Variants in MACROD1 observed in about 807,000 individuals in gnomAD.
The protein encoded by MACROD1 is ADP-ribose glycohydrolase MACROD1.
A neutral mutation model predicts 41.4 loss-of-function variants in MACROD1; 31 were observed. The observed-to-expected ratio is 0.75, with a 90% CI of 0.56 to 1.01. MACROD1 has a LOEUF of 1.01. Ranked by LOEUF, MACROD1 falls within the 50% of genes least tolerant of loss-of-function variation. MACROD1 has a pLI of 0.00. For missense variants in MACROD1, 473 were observed against 460.0 expected (o/e 1.03, Z -0.26); for synonymous variants, 252 against 203.4 (o/e 1.24, Z -2.03).
chr11:64,151,239 C>T lies in MACROD1; in HGVS notation c.517G>A (p.Ala173Thr), dbSNP rs139146238. 13 of 1,611,984 alleles carry T rather than the reference C, an allele frequency of 8.1e-6. No homozygotes were observed. Among genetic ancestry groups the T allele is most frequent in the South Asian group, 1.1e-5 (1 of 91,068 alleles). ...KLEVDAIVNA[A>T]NSSLLGGGGV... is the part of the protein sequence containing the mutation. ...TCTCTGGTTCAGGCCAGCCACTCAC[C>T]GGCGTTGACGATGGCGTCCACCTCC... The change falls in exon 3 of 11, where the codon GCC becomes ACC. Residue 173 changes from alanine (A) to threonine (T), a missense_variant and splice_region_variant. Coordinates refer to ENST00000255681, the MANE Select transcript of MACROD1 (RefSeq NM_014067.4).
intron 3 of MACROD1, among the ~76,000 whole-genome samples, chr11:64,087,780 G>A (rs370344335): frequency 3.3e-5 from 5 of 152,338 alleles, no homozygotes; most frequent in East Asian, 1.9e-4. Flanking sequence ...CTGAATGACC[G>A]GAGGCTGGAC....
intron 3 of MACROD1, among the ~76,000 whole-genome samples, chr11:64,097,593 C>T (rs1002976461): frequency 1.3e-5 from 2 of 152,246 alleles, no homozygotes; most frequent in Non-Finnish European, 2.9e-5. Flanking sequence ...TCGCAAATAC[C>T]CTGAAAGTCT....
chr11:64,078,797 C>G (rs1466777776), intron 3 of MACROD1, among the ~76,000 whole-genome samples: 5 of 151,214 alleles, frequency 3.3e-5, no homozygotes, highest in Admixed American at 2.6e-4. Flanking sequence ...GGGGGGAGGC[C>G]TCTCTGAGCA....
intron 3 of MACROD1, among the ~76,000 whole-genome samples, chr11:64,142,586 G>A (rs1237362444): frequency 1.3e-5 from 2 of 152,210 alleles, no homozygotes; most frequent in African/African-American, 2.4e-5. Flanking sequence ...GAGCCCACAA[G>A]GGCATCTCAA....
chr11:64,165,917 G>A lies in MACROD1; in HGVS notation c.78C>T (p.Pro26=). 5 of 1,330,450 alleles carry A rather than the reference G, an allele frequency of 3.8e-6. No homozygotes were observed. Among genetic ancestry groups the A allele is most frequent in the Non-Finnish European group, 4.8e-6 (5 of 1,047,328 alleles). 82.4% of individuals were successfully genotyped at this position (1,330,450 alleles called of 1,614,324 possible). The change falls in exon 1 of 11, where the codon CCC becomes CCT. Residue 26 remains proline, a synonymous_variant. Coordinates refer to ENST00000255681, the MANE Select transcript of MACROD1 (RefSeq NM_014067.4). The stretch of plus-strand genomic sequence containing the variant: ...TGGCACCCGCCAAGTGTCCGGGCCG[G>A]GGGCGCGGGGGGACGAGCAGCTGCC... ...AAGQLLVPPR[P]RPGHLAGATR...
At chr11:64,040,296 G>C (rs1943460519) in intron 3 of MACROD1, among the ~76,000 whole-genome samples, 1 of 152,166 alleles carries the variant, frequency 6.6e-6, no homozygotes, top group Non-Finnish European at 1.5e-5. Context: ...GGAAGGGGGT[G>C]CTTAAGACAT....
chr11:64,135,607 A>G (rs1945321297), intron 3 of MACROD1, among the ~76,000 whole-genome samples: 1 of 152,180 alleles, frequency 6.6e-6, no homozygotes. Flanking sequence ...AGGCAATAAC[A>G]TTTAGGGAGG....
At chr11:64,162,203 G>A (rs1001165661) in intron 1 of MACROD1, among the ~76,000 whole-genome samples, 1 of 152,120 alleles carries the variant, frequency 6.6e-6, no homozygotes, top group Non-Finnish European at 1.5e-5. Flanking sequence ...AATTAGCTAG[G>A]CGTGGTGGCG....
chr11:64,014,192 GTCC>G (rs3046730), intron 4 of MACROD1, among the ~76,000 whole-genome samples: 81,672 of 151,724 alleles, frequency 0.54, 22,866 homozygotes, highest in East Asian at 0.91. Context: ...TCTGCAAAGT[GTCC>G]TCCAAAAGGA....
intron 3 of MACROD1, among the ~76,000 whole-genome samples, chr11:64,024,238 C>T (rs1007712275): frequency 4.6e-5 from 7 of 152,252 alleles, no homozygotes; most frequent in Non-Finnish European, 1.0e-4. Flanking sequence ...AAGGACCTTC[C>T]AGACTTTAAA....
chr11:64,008,780 T>C (rs574185342), intron 4 of MACROD1, among the ~76,000 whole-genome samples: 1 of 152,134 alleles, frequency 6.6e-6, no homozygotes, highest in South Asian at 2.1e-4. Context: ...GTCGCTAACC[T>C]CAGGAAGGCC....
At chr11:64,110,612 T>C (rs1254205392) in intron 3 of MACROD1, among the ~76,000 whole-genome samples, 1 of 151,824 alleles carries the variant, frequency 6.6e-6, no homozygotes, top group Non-Finnish European at 1.5e-5. Flanking sequence ...GGAGGAGTAA[T>C]GGACACCTAC....
chr11:64,070,244 C>T (rs1022552105), intron 3 of MACROD1, among the ~76,000 whole-genome samples: 2 of 152,120 alleles, frequency 1.3e-5, no homozygotes, highest in African/African-American at 4.8e-5. Flanking sequence ...TCTGAGTCTA[C>T]TGATCAGAGC....
chr11:64,066,643 GAA>G (rs942773480), intron 3 of MACROD1, among the ~76,000 whole-genome samples: 4 of 78,894 alleles, frequency 5.1e-5, no homozygotes, highest in Admixed American at 1.3e-4. Context: ...TCTTCAAAAA[GAA>G]AAAAAAAAAA....
At chr11:64,153,032 C>T (rs1945607445) in intron 1 of MACROD1, among the ~76,000 whole-genome samples, 1 of 152,210 alleles carries the variant, frequency 6.6e-6, no homozygotes, top group African/African-American at 2.4e-5. Context: ...GGTTGGGAGG[C>T]CACCCTCACA....
intron 3 of MACROD1, among the ~76,000 whole-genome samples, chr11:64,130,246 C>T (rs1945246375): frequency 6.6e-6 from 1 of 152,228 alleles, no homozygotes; most frequent in Admixed American, 6.5e-5. Flanking sequence ...GGCCAAGAGG[C>T]ACCTTAAGTC....
intron 3 of MACROD1, among the ~76,000 whole-genome samples, chr11:64,123,718 A>G (rs1781749487): frequency 6.6e-6 from 1 of 150,834 alleles, no homozygotes. Context: ...AGAAAGTAGG[A>G]CTCTAGAGCC....
chr11:64,047,301 G>C (rs1943602732), intron 3 of MACROD1, among the ~76,000 whole-genome samples: 1 of 152,136 alleles, frequency 6.6e-6, no homozygotes, highest in South Asian at 2.1e-4. Context: ...TTGTACAACA[G>C]CCCTGGGAGT....
intron 3 of MACROD1, among the ~76,000 whole-genome samples, chr11:64,041,198 G>GGAAAAA (rs1943477686): frequency 5.3e-5 from 1 of 18,958 alleles, no homozygotes; most frequent in East Asian, 9.2e-4. Flanking sequence ...TTAGCAAACT[G>GGAAAAA]TAAAAAAAAA....
Sources: gnomAD v4.1 joint callset for allele counts (sites outside exome capture counted in the v4.1 genomes callset) on GRCh38, gnomAD v4.1.1 for gene constraint, MANE v1.5 for transcripts, NCBI Gene and HGNC (gene_info 2026-07-23, HGNC 2026-07-21) for gene names.